Variants in SLC26A5 observed in about 807,000 individuals in gnomAD.
SLC26A5 encodes the protein prestin.
A neutral mutation model predicts 81.0 loss-of-function variants in SLC26A5; 51 were observed. The observed-to-expected ratio is 0.63, with a 90% confidence interval of 0.50 to 0.80. The LOEUF is 0.80. Among genes scored for constraint, SLC26A5 ranks in the 30% least tolerant of loss-of-function variants. The pLI is 0.00. For missense variants in SLC26A5, 771 were observed against 905.8 expected (o/e 0.85, Z 1.91); for synonymous variants, 325 against 332.8 (o/e 0.98, Z 0.25).
intron 2 of SLC26A5, among the ~76,000 whole-genome samples, 191 bp downstream of exon 2, chr7:103,442,892 G>A (rs1298644126): frequency 1.3e-5 from 2 of 152,212 alleles, no homozygotes; most frequent in African/African-American, 4.8e-5. Flanking sequence ...ATCTTAGGCT[G>A]ATCCTGATCC....
chr7:103,369,395 ACT>A (rs1466049346), downstream of SLC26A5: 2 of 152,204 alleles, frequency 1.3e-5, no homozygotes, highest in Non-Finnish European at 2.9e-5. Context: ...TTTAGAACAC[ACT>A]CTGAAGTCTT....
rs1821189465 is a variant in SLC26A5, at chr7:103,374,382, T to C, written c.*17A>G. On this transcript the variant is annotated 3_prime_UTR_variant, in exon 20 of 20. Transcript: ENST00000306312. ...TCATGAGAGGCTTATAACCCCATCCTAGGGTGAGGTCCTCATCTATGCCTC... is the reference window on the plus strand; with the variant it reads ...TCATGAGAGGCTTATAACCCCATCCCAGGGTGAGGTCCTCATCTATGCCTC... 6.2e-7 allele frequency: 1 copy of C among 1,612,048 alleles called. No individual in the cohort carries two copies. Among genetic ancestry groups the C allele is most frequent in the East Asian group, 2.2e-5 (1 of 44,872 alleles).
intron 17 of SLC26A5, 59 bp from the exon 18 acceptor site, chr7:103,377,858 A>G: frequency 1.3e-6 from 2 of 1,517,414 alleles, no homozygotes; most frequent in Non-Finnish European, 1.8e-6. Flanking sequence ...TCTGGTTGTG[A>G]GAAAGATTTA....
In SLC26A5 at chr7:103,378,468, G is replaced by A. The variant is rs1164952863; in HGVS notation, c.1763C>T (p.Ala588Val). 1 of 1,614,016 alleles carries A rather than the reference G, an allele frequency of 6.2e-7. No individual in the cohort carries two copies. The highest frequency in any genetic ancestry group is 1.1e-5 in the South Asian group (1 of 91,072). ...CACTGCTTTGACAACAGTTGCGTTG[G>A]CCATATTTGCATTTCCGACTTCCTT... Reference protein sequence around the residue: ...YAKEVGNANMANATVVKADAE... With the variant: ...YAKEVGNANMVNATVVKADAE... Residue 588 changes from alanine (A) to valine (V), a missense_variant, in exon 17 of 20, where the codon GCC becomes GTC. Ala to Val is a moderately conservative substitution (Grantham distance 64). Transcript: ENST00000306312.
chr7:103,394,132 T>C (rs1055764308), intron 9 of SLC26A5, among the ~76,000 whole-genome samples: 1 of 152,098 alleles, frequency 6.6e-6, no homozygotes. Context: ...TCTCTTACTA[T>C]GTCATAGCAC....
intron 19 of SLC26A5, among the ~76,000 whole-genome samples, chr7:103,360,150 AT>A (rs1398980678): frequency 2.6e-5 from 4 of 151,796 alleles, no homozygotes; most frequent in African/African-American, 4.8e-5. Context: ...CTATTGACTG[AT>A]TTTTTTCCCC....
chr7:103,431,540 G>A (rs941043639), intron 2 of SLC26A5, among the ~76,000 whole-genome samples: 3 of 152,260 alleles, frequency 2.0e-5, no homozygotes, highest in South Asian at 2.1e-4. Flanking sequence ...TGCCCAGGCC[G>A]ATCTTGAACT....
intron 7 of SLC26A5, 76 bp from the exon 8 acceptor site, chr7:103,408,079 A>T (rs1824200930): frequency 6.4e-7 from 1 of 1,569,744 alleles, no homozygotes. Context: ...TAGCGCACTA[A>T]TTCACACCAG....
chr7:103,364,069 C>T, intron 19 of SLC26A5: 2 of 1,415,438 alleles, frequency 1.4e-6, no homozygotes, highest in Non-Finnish European at 1.9e-6. Context: ...CATAAAAGCA[C>T]TTTGTTGATT....
chr7:103,394,399 G>C (rs1272619258), intron 9 of SLC26A5, among the ~76,000 whole-genome samples: 1 of 152,200 alleles, frequency 6.6e-6, no homozygotes, highest in Non-Finnish European at 1.5e-5. Context: ...TATAAAACCT[G>C]TTGTCCTTCC....
intron 19 of SLC26A5, chr7:103,362,171 A>C (rs977767119): frequency 1.1e-5 from 18 of 1,576,718 alleles, no homozygotes; most frequent in Non-Finnish European, 1.5e-5. Context: ...GTAGTGAATA[A>C]ATGGACTGAG....
rs73412194 is a variant in SLC26A5, at chr7:103,393,392, C to T, written c.972-326G>A. ...GTAAGACACAGAAACCAGGAAGAAG[C>T]GAGGGTCAGCAAAGTGCTCAGATGC... On this transcript the variant is annotated intron_variant, in intron 9 of 19. Transcript: ENST00000306312. 4.7e-3 allele frequency among the ~76,000 whole-genome samples: 721 copies of T among 152,170 alleles called. 6 individuals carry two copies. The highest frequency in any genetic ancestry group is 0.016 in the African/African-American group (681 of 41,508).
Position 103,374,506 on chromosome 7 carries a change from C to T in SLC26A5, c.2128G>A (p.Val710Ile). Residue 710 changes from valine to isoleucine, a missense_variant, in exon 20 of 20, where the codon GTT (valine) becomes ATT (isoleucine). Transcript: ENST00000306312. ...ELLFHSIHDAVLGSQLREALA... is the reference protein window; with the variant it reads ...ELLFHSIHDAILGSQLREALA... The stretch of plus-strand genomic sequence containing the variant: ...GCCTCTCTAAGTTGGCTGCCTAAAA[C>T]TGCATCATGAATGCTGTGGAACAGC... The T allele has an allele frequency of 6.2e-7, 1 of 1,614,008 alleles. No individual in the cohort carries two copies.
chr7:103,407,821 C>T (rs1257622559), intron 8 of SLC26A5, 30 bp downstream of exon 8: 14 of 1,612,286 alleles, frequency 8.7e-6, no homozygotes, highest in African/African-American at 1.3e-5. Context: ...TTGTAGAAGC[C>T]GAGTAGGTCA....
At chr7:103,359,138 CTTTTTTTTTTTT>C (rs35936603) in intron 19 of SLC26A5, among the ~76,000 whole-genome samples, 59 of 31,338 alleles carry the variant, frequency 1.9e-3, no homozygotes, top group East Asian at 0.018. Context: ...CCATGTCTGG[CTTTTTTTTTTTT>C]TTTTTTTTTT....
At chr7:103,406,275 G>A (rs2116612211) in intron 8 of SLC26A5, among the ~76,000 whole-genome samples, 1 of 152,256 alleles carries the variant, frequency 6.6e-6, no homozygotes, top group Non-Finnish European at 1.5e-5. Context: ...TAGCTGCCCA[G>A]TTTTGTGCTT....
intron 7 of SLC26A5, 51 bp downstream of exon 7, chr7:103,410,334 T>TG: frequency 6.8e-7 from 1 of 1,465,010 alleles, no homozygotes. Flanking sequence ...AAGAGAAGGT[T>TG]GGGGGGAATA....
At chr7:103,414,037 C>G (rs970330763) in intron 4 of SLC26A5, among the ~76,000 whole-genome samples, 1 of 152,030 alleles carries the variant, frequency 6.6e-6, no homozygotes, top group Non-Finnish European at 1.5e-5. Flanking sequence ...GTGGTACAGT[C>G]TATGCAAATG....
intron 2 of SLC26A5, among the ~76,000 whole-genome samples, chr7:103,425,869 A>C (rs933456075): frequency 6.6e-6 from 1 of 152,170 alleles, no homozygotes; most frequent in African/African-American, 2.4e-5. Flanking sequence ...TTCTGATTTA[A>C]TTGGTCTGCA....
Sources: allele counts gnomAD v4.1 joint callset (sites outside exome capture counted in the v4.1 genomes callset), GRCh38; gene constraint gnomAD v4.1.1; transcripts MANE v1.5; gene names NCBI Gene and HGNC (gene_info 2026-07-23, HGNC 2026-07-21).